Variants in RABGAP1L observed in about 807,000 individuals in gnomAD.
RABGAP1L encodes RAB GTPase activating protein 1 like.
Under a neutral mutation model 137.7 loss-of-function variants are expected in RABGAP1L, and 63 were observed. The observed-to-expected ratio is 0.46, with a 90% confidence interval of 0.37 to 0.56. The LOEUF (loss-of-function observed/expected upper bound fraction) is 0.56. RABGAP1L is among the 20% of genes least tolerant of loss of function. RABGAP1L has a pLI of 0.00. For synonymous variants in RABGAP1L, 431 were observed against 433.7 expected (o/e 0.99, Z 0.08); for missense variants, 1,095 against 1,244.0 (o/e 0.88, Z 1.80).
chr1:174,619,178 A>G (rs1672202352), intron 13 of RABGAP1L, among the ~76,000 whole-genome samples: 2 of 152,254 alleles, frequency 1.3e-5, no homozygotes, highest in Non-Finnish European at 2.9e-5. Context: ...TGTACCTGAA[A>G]GCGACGGGGA....
intron 11 of RABGAP1L, among the ~76,000 whole-genome samples, chr1:174,369,396 G>T (rs976131530): frequency 6.6e-6 from 1 of 152,092 alleles, no homozygotes; most frequent in Non-Finnish European, 1.5e-5. Context: ...TTACCATGTT[G>T]CCCAGGCTGG....
chr1:174,533,475 C>G (rs1417846251), intron 13 of RABGAP1L, among the ~76,000 whole-genome samples: 1 of 152,016 alleles, frequency 6.6e-6, no homozygotes, highest in East Asian at 1.9e-4. Context: ...ACAATCCCTC[C>G]TCTTCCTCCT....
Position 174,992,191 on chromosome 1 carries a change from C to T in RABGAP1L, c.*2190C>T, listed in dbSNP as rs1242152404. Reference sequence around the variant, plus strand: ...TGGTGGCTCACATCTGTAATCCCAGCACTTTGGGAGGCTGAGGTGGGTGGA... The same window carrying T: ...TGGTGGCTCACATCTGTAATCCCAGTACTTTGGGAGGCTGAGGTGGGTGGA... On this transcript the variant is annotated 3_prime_UTR_variant, in exon 26 of 26. Coordinates refer to ENST00000681986, the MANE Select transcript of RABGAP1L (RefSeq NM_001366446.1). 3 of 152,338 alleles carry T rather than the reference C, an allele frequency of 2.0e-5. No individual in the cohort carries two copies. The highest frequency in any genetic ancestry group is 1.9e-4 in the East Asian group (1 of 5,178). The allele number at this position is 152,338 out of a possible 1,614,324, so 9.4% of individuals were successfully genotyped here. A position where few individuals can be genotyped will look rare whatever the true frequency, so the allele number is the denominator to read the frequency against.
At chr1:174,503,658 CAAAA>C (rs61588327) in intron 13 of RABGAP1L, among the ~76,000 whole-genome samples, 47,106 of 103,672 alleles carry the variant, frequency 0.45, 10,846 homozygotes, top group African/African-American at 0.7. Context: ...GAGACTCCGT[CAAAA>C]AAAAAAAAAA....
At chr1:174,248,966 A>G (rs1042623455) in intron 5 of RABGAP1L, among the ~76,000 whole-genome samples, 1 of 152,092 alleles carries the variant, frequency 6.6e-6, no homozygotes, top group Non-Finnish European at 1.5e-5. Context: ...GTGGGCTGAG[A>G]GATTTGGAGA....
intron 1 of RABGAP1L, among the ~76,000 whole-genome samples, chr1:174,164,028 G>A (rs184480870): frequency 1.1e-3 from 170 of 152,164 alleles, no homozygotes; most frequent in African/African-American, 4.0e-3. Context: ...TATTCAGTGG[G>A]GTGGGAACAT....
intron 13 of RABGAP1L, among the ~76,000 whole-genome samples, chr1:174,613,082 T>A (rs1671427979): frequency 6.6e-6 from 1 of 150,780 alleles, no homozygotes; most frequent in Admixed American, 6.6e-5. Context: ...TTTTAGTTAT[T>A]TCTTGCCTTC....
chr1:174,920,120 C>G (rs1239786519), intron 19 of RABGAP1L, among the ~76,000 whole-genome samples: 2 of 152,194 alleles, frequency 1.3e-5, no homozygotes, highest in Non-Finnish European at 2.9e-5. Flanking sequence ...AACTGTGACT[C>G]AAAACAGATC....
chr1:174,697,479 C>T (rs560377446), intron 15 of RABGAP1L, among the ~76,000 whole-genome samples: 2 of 152,166 alleles, frequency 1.3e-5, no homozygotes, highest in African/African-American at 4.8e-5. Flanking sequence ...CACCAACATG[C>T]CCAGCTATTT....
intron 13 of RABGAP1L, among the ~76,000 whole-genome samples, chr1:174,546,867 G>A (rs936238061): frequency 1.3e-5 from 2 of 150,898 alleles, no homozygotes; most frequent in African/African-American, 4.9e-5. Flanking sequence ...CGTCTCTACT[G>A]AAAATACAAA....
At chr1:174,773,018 A>G (rs1406697370) in intron 18 of RABGAP1L, among the ~76,000 whole-genome samples, 2 of 152,166 alleles carry the variant, frequency 1.3e-5, no homozygotes, top group African/African-American at 4.8e-5. Context: ...ATGAATCAAT[A>G]TGCTCATTTT....
chr1:174,547,029 CAAAAAAAAAAAAAAAA>C (rs375413887), intron 13 of RABGAP1L, among the ~76,000 whole-genome samples: 1 of 78,244 alleles, frequency 1.3e-5, no homozygotes, highest in Non-Finnish European at 2.4e-5. Flanking sequence ...GACTCTGTCT[CAAAAAAAAAAAAAAAA>C]AAAAAAAAAA....
intron 17 of RABGAP1L, among the ~76,000 whole-genome samples, chr1:174,718,748 C>A: frequency 6.6e-6 from 1 of 151,910 alleles, no homozygotes; most frequent in East Asian, 1.9e-4. Context: ...GATGAAACTA[C>A]AGCCACAGCC....
intron 19 of RABGAP1L, among the ~76,000 whole-genome samples, chr1:174,857,178 G>A (rs555840984): frequency 6.6e-6 from 1 of 152,252 alleles, no homozygotes; most frequent in South Asian, 2.1e-4. Flanking sequence ...TCCCTTGATA[G>A]GAAGTACTGA....
At chr1:174,266,682 T>A (rs1357852182) in intron 7 of RABGAP1L, among the ~76,000 whole-genome samples, 1 of 152,202 alleles carries the variant, frequency 6.6e-6, no homozygotes, top group Non-Finnish European at 1.5e-5. Flanking sequence ...GATTGGTCAC[T>A]GTGTATCTGT....
At chr1:174,327,997 A>ACATATG (rs1680670617) in intron 11 of RABGAP1L, among the ~76,000 whole-genome samples, 1 of 97,072 alleles carries the variant, frequency 1.0e-5, no homozygotes, top group African/African-American at 5.0e-5. Context: ...ATATATATAT[A>ACATATG]TATATATATA....
chr1:174,925,274 G>C (rs1044198200), intron 19 of RABGAP1L, among the ~76,000 whole-genome samples: 3 of 148,146 alleles, frequency 2.0e-5, no homozygotes, highest in African/African-American at 7.6e-5. Flanking sequence ...CGTGAACCCA[G>C]GAGGCGGAGC....
At chr1:174,897,500 A>C (rs1205241864) in intron 19 of RABGAP1L, 1 of 152,236 alleles carries the variant, frequency 6.6e-6, no homozygotes, top group Non-Finnish European at 1.5e-5. Flanking sequence ...TGACCTCAGG[A>C]GCCTGGACCC....
At chr1:174,760,515 T>A (rs1685134809) in intron 18 of RABGAP1L, among the ~76,000 whole-genome samples, 1 of 152,230 alleles carries the variant, frequency 6.6e-6, no homozygotes, top group African/African-American at 2.4e-5. Flanking sequence ...CTCATTCTCC[T>A]TATGGATGCA....
Sources: gnomAD v4.1 joint callset for allele counts (sites outside exome capture counted in the v4.1 genomes callset) on GRCh38, gnomAD v4.1.1 for gene constraint, MANE v1.5 for transcripts, NCBI Gene and HGNC (gene_info 2026-07-23, HGNC 2026-07-21) for gene names.